Variants in DYNC2H1 observed in about 807,000 individuals in gnomAD.
DYNC2H1 encodes cytoplasmic dynein 2 heavy chain 1.
In DYNC2H1, 410 loss-of-function variants were observed where a neutral mutation model predicts 570.0. The observed-to-expected ratio is 0.72, with a 90% confidence interval of 0.66 to 0.78. DYNC2H1 has a LOEUF of 0.78. Ranked by LOEUF, DYNC2H1 falls within the 30% of genes least tolerant of loss-of-function variation. The pLI is 0.00. For synonymous variants in DYNC2H1, 1,688 were observed against 1,677.6 expected (o/e 1.01, Z -0.15); for missense variants, 4,865 against 5,046.4 (o/e 0.96, Z 1.09).
chr11:103,198,057 T>G lies in DYNC2H1; in HGVS notation c.7833T>G (p.Ile2611Met). The G allele has an allele frequency of 6.4e-7, 1 of 1,551,744 alleles. No homozygotes were observed. The highest frequency in any genetic ancestry group is 8.7e-7 in the Non-Finnish European group (1 of 1,146,796). The change falls in exon 48 of 89, where the codon ATT (isoleucine) becomes ATG (methionine). Residue 2611 changes from isoleucine to methionine, a missense_variant. Around this residue, in one of 5 missense-constraint regions of DYNC2H1, gnomAD observed 2,401 missense variants for 2,454.6 expected, o/e 0.98. Coordinates refer to ENST00000375735, the MANE Select transcript of DYNC2H1 (RefSeq NM_001377.3). ...ACTCTACTGATCTCAAGGATGTTAT[T>G]AAAAAGGTATAATATGAATCATTAA... ...KLNSTDLKDV[I>M]KKGLIHYGRD...
chr11:103,362,383 A>G (rs545106324), intron 83 of DYNC2H1, among the ~76,000 whole-genome samples: 1 of 143,346 alleles, frequency 7.0e-6, no homozygotes, highest in African/African-American at 2.6e-5. Flanking sequence ...ACTTCTCTCA[A>G]TGTGAAACCA....
At chr11:103,237,052 G>T (rs1648391675) in intron 63 of DYNC2H1, among the ~76,000 whole-genome samples, 1 of 151,914 alleles carries the variant, frequency 6.6e-6, no homozygotes, top group Non-Finnish European at 1.5e-5. Flanking sequence ...CTTATTATCA[G>T]TGAGTGTGAA....
chr11:103,166,834 A>C (rs1381623319), intron 31 of DYNC2H1, among the ~76,000 whole-genome samples: 2 of 151,920 alleles, frequency 1.3e-5, no homozygotes, highest in Non-Finnish European at 2.9e-5. Context: ...TCTCAGCTTC[A>C]ATCTGTACAT....
intron 80 of DYNC2H1, among the ~76,000 whole-genome samples, chr11:103,316,971 T>C (rs1390403934): frequency 1.3e-5 from 2 of 152,092 alleles, no homozygotes; most frequent in Non-Finnish European, 2.9e-5. Flanking sequence ...TGTGGAGTCA[T>C]AATTGAATTA....
At chr11:103,238,686 C>A (rs572325711) in intron 63 of DYNC2H1, among the ~76,000 whole-genome samples, 1 of 152,194 alleles carries the variant, frequency 6.6e-6, no homozygotes, top group South Asian at 2.1e-4. Flanking sequence ...TAAAACTATT[C>A]TTTTATTGGT....
chr11:103,135,246 A>G (rs1307970617), intron 15 of DYNC2H1, among the ~76,000 whole-genome samples: 1 of 152,086 alleles, frequency 6.6e-6, no homozygotes, highest in Non-Finnish European at 1.5e-5. Context: ...GTCATTTAAT[A>G]TTTGCTTGGT....
chr11:103,187,293 TG>T, intron 42 of DYNC2H1, 46 bp from the exon 43 acceptor site: 1 of 1,606,440 alleles, frequency 6.2e-7, no homozygotes, highest in Non-Finnish European at 8.5e-7. Context: ...AAATGTATTT[TG>T]TTGGTTGCAT....
At chr11:103,176,210 A>C (rs1327238605) in intron 36 of DYNC2H1, 25 bp from the exon 37 acceptor site, 1 of 1,448,738 alleles carries the variant, frequency 6.9e-7, no homozygotes, top group East Asian at 2.7e-5. Context: ...ATAATAAATA[A>C]TTTTAAAATG....
chr11:103,382,003 A>G (rs929080181), intron 83 of DYNC2H1, among the ~76,000 whole-genome samples: 1 of 152,192 alleles, frequency 6.6e-6, no homozygotes, highest in Non-Finnish European at 1.5e-5. Flanking sequence ...AAAATACTGA[A>G]AAGTATAACA....
rs1305339700 is a variant in DYNC2H1 at position 103,264,729 on chromosome 11, A to T, written c.10695+4752A>T. Among the ~76,000 whole-genome samples, 1 of 152,212 alleles carries T rather than the reference A, an allele frequency of 6.6e-6. No homozygotes were observed. Among genetic ancestry groups the T allele is most frequent in the Admixed American group, 6.5e-5 (1 of 15,286 alleles). The stretch of plus-strand genomic sequence containing the variant: ...GCTATTTATGACAGACCCACAGCCA[A>T]TGTCATACCGAATGTGAATCAATAT... On this transcript the variant is annotated intron_variant, in intron 70 of 88. Transcript: ENST00000375735. The surrounding 1 kb of genome is among the most constrained non-coding windows in gnomAD (Gnocchi z 4.8).
chr11:103,191,488 A>G, intron 45 of DYNC2H1, 29 bp from the exon 46 acceptor site: 1 of 1,511,688 alleles, frequency 6.6e-7, no homozygotes, highest in Middle Eastern at 1.7e-4. Context: ...AGGCAGTAGA[A>G]AGATTGTTTA....
At chr11:103,455,016 A>G (rs1380696537) in intron 85 of DYNC2H1, 170 bp from the exon 86 acceptor site, 1 of 517,170 alleles carries the variant, frequency 1.9e-6, no homozygotes, top group Non-Finnish European at 3.4e-6. Flanking sequence ...ATTATGCCAA[A>G]TTGCAATGCC....
At chr11:103,470,460 T>C (rs1283800450) in intron 88 of DYNC2H1, among the ~76,000 whole-genome samples, 1 of 152,212 alleles carries the variant, frequency 6.6e-6, no homozygotes, top group Non-Finnish European at 1.5e-5. Context: ...TTAGGGTACA[T>C]GTGCACAACG....
rs1373120206 is a variant in DYNC2H1 at position 103,324,734 on chromosome 11, G to T, written c.12039+744G>T. ...TTCCTTTGAGTATATACCCAATAAT[G>T]GGATTTCTGGGTCAAATGGTAGTTC... On this transcript the variant is annotated intron_variant, in intron 82 of 88. Coordinates refer to ENST00000375735, the MANE Select transcript of DYNC2H1 (RefSeq NM_001377.3). This position sits in a 1 kb window ranked among gnomAD's most constrained non-coding sequence, Gnocchi z 5.2. Among the ~76,000 whole-genome samples the T allele has an allele frequency of 6.6e-6, 1 of 152,150 alleles. No individual in the cohort carries two copies. Among genetic ancestry groups the T allele is most frequent in the Non-Finnish European group, 1.5e-5 (1 of 68,036 alleles).
chr11:103,263,923 G>A (rs1052687837), intron 70 of DYNC2H1, among the ~76,000 whole-genome samples: 1 of 151,948 alleles, frequency 6.6e-6, no homozygotes, highest in South Asian at 2.1e-4. Context: ...TCCAGGAGCT[G>A]GTTTTATGAA....
At position 103,242,808 on chromosome 11, in the gene DYNC2H1, C is replaced by T. The variant is rs185653943; in HGVS notation, c.9820-885C>T. Among the ~76,000 whole-genome samples, 853 of 152,102 alleles carry T rather than the reference C, an allele frequency of 5.6e-3. 5 individuals carry two copies. The highest frequency in any genetic ancestry group is 0.019 in the African/African-American group (779 of 41,498). On this transcript the variant is annotated intron_variant, in intron 63 of 88. Coordinates refer to ENST00000375735, the MANE Select transcript of DYNC2H1 (RefSeq NM_001377.3). ...TGATCTTGGCTCACTGCAGCCTCTG[C>T]CTCCAGGGTTCAAGCGATTCTTCTG...
chr11:103,353,338 G>A (rs1243147215), intron 82 of DYNC2H1, among the ~76,000 whole-genome samples: 1 of 152,048 alleles, frequency 6.6e-6, no homozygotes, highest in Admixed American at 6.6e-5. Context: ...CCAGATATTG[G>A]ATGTATTATA....
intron 82 of DYNC2H1, among the ~76,000 whole-genome samples, chr11:103,347,097 C>T (rs1346325957): frequency 6.6e-6 from 1 of 152,062 alleles, no homozygotes; most frequent in Non-Finnish European, 1.5e-5. Flanking sequence ...AGTTTTAGAA[C>T]TAATTTACCA....
chr11:103,274,731 T>G (rs11225644), intron 70 of DYNC2H1, among the ~76,000 whole-genome samples: 10 of 152,150 alleles, frequency 6.6e-5, no homozygotes, highest in East Asian at 1.9e-4. Context: ...TAACTGTTTT[T>G]GGGGGTTTTT....
Sources: allele counts gnomAD v4.1 joint callset (sites outside exome capture counted in the v4.1 genomes callset), GRCh38; gene constraint gnomAD v4.1.1; regional missense constraint gnomAD v4.1.1; non-coding constraint Gnocchi (gnomAD v3.1); transcripts MANE v1.5; gene names NCBI Gene and HGNC (gene_info 2026-07-23, HGNC 2026-07-21).